Variants in PCDH11X observed in about 807,000 individuals in gnomAD.
The protein encoded by PCDH11X is protocadherin-11 X-linked.
PCDH11X carries 18 observed loss-of-function variants against 53.3 expected under a neutral mutation model. That is an observed-to-expected ratio of 0.34 (90% CI 0.23 to 0.50). PCDH11X has a LOEUF of 0.50. Among genes scored for constraint, PCDH11X ranks in the 20% least tolerant of loss-of-function variants. The pLI, the probability that PCDH11X is intolerant of heterozygous loss-of-function variation, is 0.98. For synonymous variants in PCDH11X, 279 were observed against 393.3 expected (o/e 0.71, Z 3.44); for missense variants, 570 against 1,032.4 (o/e 0.55, Z 6.14).
chrX:91,817,977 G>A (rs1295294488), intron 4 of PCDH11X, among the ~76,000 whole-genome samples: 1 of 111,495 alleles, frequency 9.0e-6, no homozygotes, highest in Non-Finnish European at 1.9e-5. Context: ...AAATAGTTGT[G>A]TTTGTTGTAG....
At chrX:92,082,603 C>T (rs750114898) in intron 6 of PCDH11X, among the ~76,000 whole-genome samples, 27 of 107,757 alleles carry the variant, frequency 2.5e-4, no homozygotes, top group African/African-American at 8.0e-4. Flanking sequence ...GGGCAGATGA[C>T]TTGAATTGGA....
chrX:91,940,764 C>T (rs915962022), intron 6 of PCDH11X, among the ~76,000 whole-genome samples: 4 of 105,198 alleles, frequency 3.8e-5, no homozygotes, highest in African/African-American at 1.4e-4. Context: ...GACTCCTGAG[C>T]TCAACTGATA....
At chrX:91,787,058 A>T (rs1935358700) in intron 1 of PCDH11X, among the ~76,000 whole-genome samples, 1 of 106,964 alleles carries the variant, frequency 9.3e-6, no homozygotes, top group Non-Finnish European at 1.9e-5. Context: ...AAATGGTAGA[A>T]CTATTGAAAT....
intron 6 of PCDH11X, among the ~76,000 whole-genome samples, chrX:92,124,108 T>A (rs1304886698): frequency 8.9e-6 from 1 of 111,942 alleles, no homozygotes; most frequent in Non-Finnish European, 1.9e-5. Context: ...TCTATAACGC[T>A]ACTATCTATT....
intron 8 of PCDH11X, among the ~76,000 whole-genome samples, chrX:92,351,336 C>T (rs894330317): frequency 9.0e-6 from 1 of 111,381 alleles, no homozygotes; most frequent in Non-Finnish European, 1.9e-5. Context: ...AGAGTAGGTT[C>T]GACTAATGCA....
intron 10 of PCDH11X, among the ~76,000 whole-genome samples, chrX:92,505,991 C>T (rs1478570233): frequency 9.1e-6 from 1 of 110,384 alleles, no homozygotes; most frequent in Non-Finnish European, 1.9e-5. Flanking sequence ...AGAAATGCTA[C>T]TTATTTTTGT....
intron 8 of PCDH11X, among the ~76,000 whole-genome samples, chrX:92,340,373 C>T (rs894173094): frequency 8.9e-6 from 1 of 111,941 alleles, no homozygotes; most frequent in Non-Finnish European, 1.9e-5. Flanking sequence ...GGGGCTCCAA[C>T]CCCACATTTC....
intron 8 of PCDH11X, among the ~76,000 whole-genome samples, chrX:92,308,312 G>A (rs777124992): frequency 1.8e-5 from 2 of 111,408 alleles, no homozygotes; most frequent in Admixed American, 9.5e-5. Context: ...TATATAGACC[G>A]ATGGAATAGA....
intron 8 of PCDH11X, among the ~76,000 whole-genome samples, chrX:92,367,490 T>C (rs1359273458): frequency 9.0e-6 from 1 of 111,175 alleles, no homozygotes; most frequent in Non-Finnish European, 1.9e-5. Context: ...ATTTAACCCA[T>C]TTACATTTAA....
intron 10 of PCDH11X, among the ~76,000 whole-genome samples, chrX:92,603,788 CAG>C (rs1569509568): frequency 1.0e-5 from 1 of 96,844 alleles, no homozygotes; most frequent in Non-Finnish European, 2.1e-5. Context: ...GACTGAAAGT[CAG>C]AGAGTCAAGA....
At chrX:92,188,525 G>A (rs2066138505) in intron 6 of PCDH11X, among the ~76,000 whole-genome samples, 1 of 111,484 alleles carries the variant, frequency 9.0e-6, no homozygotes, top group African/African-American at 3.3e-5. Context: ...AGCCATTCAA[G>A]TAGTTTTTGT....
At chrX:92,226,081 C>T (rs752448781) in intron 7 of PCDH11X, among the ~76,000 whole-genome samples, 2 of 111,595 alleles carry the variant, frequency 1.8e-5, no homozygotes, top group Non-Finnish European at 3.8e-5. Context: ...ACAATTTGTA[C>T]CCTTATGTAG....
rs769176815 is a variant in PCDH11X, at chrX:92,357,716, A to G, written c.3145-30019A>G. Among the ~76,000 whole-genome samples, 5 of 110,802 alleles carry G rather than the reference A, an allele frequency of 4.5e-5. No individual in the cohort carries two copies. The East Asian group carries it at 1.4e-3, about 31-fold the overall frequency. ...CTGTTGTTTATAAGATATCTAGTTT[A>G]TGGTATTTTGTTATAGGAGGCTAAA... is the stretch of plus-strand genomic sequence containing the variant. On this transcript the variant is annotated intron_variant, in intron 8 of 10. Coordinates refer to ENST00000682573, the MANE Select transcript of PCDH11X (RefSeq NM_032968.5).
intron 4 of PCDH11X, among the ~76,000 whole-genome samples, chrX:91,834,203 G>C (rs1937214010): frequency 9.0e-6 from 1 of 110,978 alleles, no homozygotes; most frequent in African/African-American, 3.3e-5. Flanking sequence ...GAGATTAAAA[G>C]ATATTTAATA....
At chrX:92,013,385 A>T (rs1380926560) in intron 6 of PCDH11X, among the ~76,000 whole-genome samples, 1 of 111,725 alleles carries the variant, frequency 9.0e-6, no homozygotes, top group Non-Finnish European at 1.9e-5. Flanking sequence ...ATAAAAGAGG[A>T]TACAAACAAA....
intron 6 of PCDH11X, among the ~76,000 whole-genome samples, chrX:91,906,440 C>T (rs1178202092): frequency 9.2e-6 from 1 of 108,940 alleles, no homozygotes; most frequent in African/African-American, 3.3e-5. Context: ...ATTTGATCAA[C>T]GTCTAGACCA....
At chrX:92,339,773 C>T (rs1038001774) in intron 8 of PCDH11X, among the ~76,000 whole-genome samples, 1 of 108,683 alleles carries the variant, frequency 9.2e-6, no homozygotes, top group African/African-American at 3.4e-5. Context: ...CATTACAATA[C>T]AACATAAGAT....
chrX:92,537,202 A>G (rs777968272), intron 10 of PCDH11X, among the ~76,000 whole-genome samples: 1 of 99,807 alleles, frequency 1.0e-5, no homozygotes, highest in East Asian at 3.0e-4. Flanking sequence ...ACTTTACGTG[A>G]TCCCATTTGT....
At chrX:92,066,855 G>C (rs892624140) in intron 6 of PCDH11X, among the ~76,000 whole-genome samples, 1 of 112,393 alleles carries the variant, frequency 8.9e-6, no homozygotes, top group East Asian at 2.8e-4. Context: ...TGTAATCCCA[G>C]CACTTTGGGA....
Sources: allele counts gnomAD v4.1 joint callset (sites outside exome capture counted in the v4.1 genomes callset), GRCh38; gene constraint gnomAD v4.1.1; transcripts MANE v1.5; gene names NCBI Gene and HGNC (gene_info 2026-07-23, HGNC 2026-07-21).